Variants in SLAMF6 observed in about 807,000 individuals in gnomAD.
The protein encoded by SLAMF6 is SLAM family member 6, also known as NK-T-B-antigen.
In SLAMF6, 21 loss-of-function variants were observed where a neutral mutation model predicts 38.3. The observed-to-expected ratio is 0.55, with a 90% confidence interval of 0.39 to 0.79. The LOEUF (loss-of-function observed/expected upper bound fraction) is 0.79. Among genes scored for constraint, SLAMF6 ranks in the 30% least tolerant of loss-of-function variants. SLAMF6 has a pLI of 0.00. For synonymous variants in SLAMF6, 152 were observed against 146.3 expected (o/e 1.04, Z -0.28); for missense variants, 341 against 385.3 (o/e 0.89, Z 0.96).
At chr1:160,510,958 G>C (rs1654440988) in intron 1 of SLAMF6, among the ~76,000 whole-genome samples, 1 of 152,070 alleles carries the variant, frequency 6.6e-6, no homozygotes, top group Admixed American at 6.5e-5. Flanking sequence ...ATCTGAAAAA[G>C]AAGTTAAGAA....
At chr1:160,517,515 A>G (rs892345868) in intron 1 of SLAMF6, among the ~76,000 whole-genome samples, 1 of 152,246 alleles carries the variant, frequency 6.6e-6, no homozygotes, top group African/African-American at 2.4e-5. Flanking sequence ...ATATACCCAA[A>G]GGAATATAAA....
chr1:160,506,266 C>A (rs1454943595), intron 1 of SLAMF6, among the ~76,000 whole-genome samples: 1 of 151,916 alleles, frequency 6.6e-6, no homozygotes, highest in Non-Finnish European at 1.5e-5. Flanking sequence ...TCAAATGCAA[C>A]AAGAGAAAGC....
At chr1:160,492,701 G>A (rs752710595) in intron 2 of SLAMF6, among the ~76,000 whole-genome samples, 1 of 152,120 alleles carries the variant, frequency 6.6e-6, no homozygotes, top group Non-Finnish European at 1.5e-5. Context: ...AAGGACTCCC[G>A]TTTTTCTCTC....
chr1:160,503,529 G>A lies in SLAMF6; in HGVS notation c.50-7136C>T, dbSNP rs530765041. ...AGGTGCTGGGGATCACCTAATATTA[G>A]CAATAGGCATAGTATAGGTAGGTGT... On this transcript the variant is annotated intron_variant, in intron 1 of 7. Coordinates refer to ENST00000368057, the MANE Select transcript of SLAMF6 (RefSeq NM_001184714.2). 4.1e-4 allele frequency among the ~76,000 whole-genome samples: 62 copies of A among 152,258 alleles called. 2 individuals carry two copies. The highest frequency in any genetic ancestry group is 1.5e-3 in the South Asian group (7 of 4,818).
chr1:160,513,556 A>G (rs1654598153), intron 1 of SLAMF6, among the ~76,000 whole-genome samples: 1 of 152,206 alleles, frequency 6.6e-6, no homozygotes, highest in Admixed American at 6.5e-5. Flanking sequence ...AAGACACATA[A>G]TTATTAGATT....
chr1:160,489,916 G>A (rs1653188936), intron 5 of SLAMF6, among the ~76,000 whole-genome samples: 1 of 152,072 alleles, frequency 6.6e-6, no homozygotes, highest in African/African-American at 2.4e-5. Flanking sequence ...GGGTGACAAG[G>A]GATGATCCCT....
chr1:160,517,321 T>A (rs185547743), intron 1 of SLAMF6, among the ~76,000 whole-genome samples: 1 of 151,798 alleles, frequency 6.6e-6, no homozygotes, highest in African/African-American at 2.4e-5. Context: ...TACCATCTCA[T>A]GACAGAATAG....
intron 1 of SLAMF6, among the ~76,000 whole-genome samples, chr1:160,506,503 G>C (rs1376118029): frequency 6.6e-6 from 1 of 152,144 alleles, no homozygotes; most frequent in African/African-American, 2.4e-5. Flanking sequence ...TAGTAGACTT[G>C]TACTGTAAGA....
At position 160,491,398 on chromosome 1, in the gene SLAMF6, G is replaced by T; in HGVS notation, c.383-10C>A. 1 of 1,464,346 alleles carries T rather than the reference G, an allele frequency of 6.8e-7. No individual in the cohort carries two copies. The allele number at this position is 1,464,346 out of a possible 1,614,324, so 90.7% of individuals were successfully genotyped here. On this transcript the variant is annotated splice_polypyrimidine_tract_variant and intron_variant, in intron 2 of 7. Transcript: ENST00000368057. ...ATGTTCCTCAGTTGTCCTGTTTGCA[G>T]AAAAAAAAAAGATCCAGATTAAGGA... is the stretch of plus-strand genomic sequence containing the variant.
chr1:160,494,555 C>G (rs1211608576), intron 2 of SLAMF6, among the ~76,000 whole-genome samples: 1 of 152,086 alleles, frequency 6.6e-6, no homozygotes, highest in Admixed American at 6.6e-5. Context: ...AGGGTCTTTG[C>G]AGATGGAATT....
intron 1 of SLAMF6, among the ~76,000 whole-genome samples, chr1:160,521,137 G>T (rs1182189919): frequency 6.6e-6 from 1 of 152,108 alleles, no homozygotes; most frequent in Non-Finnish European, 1.5e-5. Flanking sequence ...AAGCTAAGTA[G>T]CATAGTGAAG....
At chr1:160,522,308 T>C (rs770594648) in intron 1 of SLAMF6, among the ~76,000 whole-genome samples, 6 of 152,332 alleles carry the variant, frequency 3.9e-5, no homozygotes, top group African/African-American at 1.2e-4. Context: ...ACTCATAACG[T>C]GTGTACAGCA....
chr1:160,496,035 G>C lies in SLAMF6; in HGVS notation c.382+26C>G, dbSNP rs745419667. Reference sequence around the variant, plus strand: ...ACATGTATATTTTTCAGTCCATATGGAATTAAACCCCATATTTTGACTTAC... The same window carrying C: ...ACATGTATATTTTTCAGTCCATATGCAATTAAACCCCATATTTTGACTTAC... On this transcript the variant is annotated intron_variant, in intron 2 of 7. Coordinates refer to ENST00000368057, the MANE Select transcript of SLAMF6 (RefSeq NM_001184714.2). 2.5e-6 allele frequency: 4 copies of C among 1,592,240 alleles called. No homozygotes were observed. The East Asian group carries it at 9.0e-5, about 36-fold the overall frequency.
intron 2 of SLAMF6, 49 bp downstream of exon 2, chr1:160,496,012 A>C (rs752919444): frequency 2.6e-6 from 4 of 1,511,596 alleles, no homozygotes; most frequent in African/African-American, 2.8e-5. Context: ...ATTGGAATAC[A>C]TGTATATTTT....
intron 1 of SLAMF6, among the ~76,000 whole-genome samples, chr1:160,505,140 A>G (rs546591240): frequency 2.6e-5 from 4 of 152,232 alleles, no homozygotes; most frequent in Non-Finnish European, 5.9e-5. Context: ...CATGTGACAA[A>G]TAATATGTTT....
chr1:160,521,122 T>A (rs1371430556), intron 1 of SLAMF6, among the ~76,000 whole-genome samples: 1 of 152,204 alleles, frequency 6.6e-6, no homozygotes, highest in Non-Finnish European at 1.5e-5. Context: ...TGTATGACTG[T>A]GTGTAAGCTA....
At chr1:160,492,726 C>T (rs1267343641) in intron 2 of SLAMF6, among the ~76,000 whole-genome samples, 2 of 152,208 alleles carry the variant, frequency 1.3e-5, no homozygotes, top group African/African-American at 4.8e-5. Flanking sequence ...ACCTTCTCAA[C>T]CTGCAGTTTT....
Position 160,486,464 on chromosome 1 carries a change from C to T in SLAMF6, c.*243G>A. 2.1e-6 allele frequency: 1 copy of T among 470,030 alleles called. No homozygotes were observed. The highest frequency in any genetic ancestry group is 3.7e-5 in the East Asian group (1 of 26,886). 29.1% of individuals were successfully genotyped at this position (470,030 alleles called of 1,614,324 possible). A position where few individuals can be genotyped will look rare whatever the true frequency, so the allele number is the denominator to read the frequency against. On this transcript the variant is annotated 3_prime_UTR_variant, in exon 8 of 8. Transcript: ENST00000368057. ...CAATGTGCTGGTGTGTTATCTTTAGCATGTTTTGGCCTGAAGTGGATTGGA... is the reference window on the plus strand; with the variant it reads ...CAATGTGCTGGTGTGTTATCTTTAGTATGTTTTGGCCTGAAGTGGATTGGA...
chr1:160,501,827 G>A (rs1009391673), intron 1 of SLAMF6, among the ~76,000 whole-genome samples: 1 of 151,818 alleles, frequency 6.6e-6, no homozygotes, highest in Non-Finnish European at 1.5e-5. Context: ...TATTTATGGG[G>A]GTTTTGCATT....
Sources: allele counts gnomAD v4.1 joint callset (sites outside exome capture counted in the v4.1 genomes callset), GRCh38; gene constraint gnomAD v4.1.1; transcripts MANE v1.5; gene names NCBI Gene and HGNC (gene_info 2026-07-23, HGNC 2026-07-21).